PTK2: variants seen among roughly 807,000 people sequenced by gnomAD.
PTK2 encodes the protein focal adhesion kinase 1.
Under a neutral mutation model 150.1 loss-of-function variants are expected in PTK2, and 45 were observed. That is an observed-to-expected ratio of 0.30 (90% confidence interval 0.24 to 0.38). The LOEUF (loss-of-function observed/expected upper bound fraction) is 0.38, where lower values mean the gene tolerates loss of function less well. Among genes scored for constraint, PTK2 ranks in the 10% least tolerant of loss-of-function variants. PTK2 has a pLI of 1.00. For synonymous variants in PTK2, 432 were observed against 449.2 expected (o/e 0.96, Z 0.48); for missense variants, 919 against 1,307.3 (o/e 0.70, Z 4.58).
chr8:140,921,001 A>G, intron 2 of PTK2: 1 of 1,296,256 alleles, frequency 7.7e-7, no homozygotes, highest in East Asian at 3.1e-5. Flanking sequence ...ATCCACAAGC[A>G]AGACTAAGGT....
At chr8:140,696,393 C>G (rs141313305) in intron 26 of PTK2, among the ~76,000 whole-genome samples, 1 of 152,102 alleles carries the variant, frequency 6.6e-6, no homozygotes, top group African/African-American at 2.4e-5. Context: ...GGGGAGAGAA[C>G]GCAGTAGTGC....
chr8:140,842,941 T>C (rs2154603997), intron 7 of PTK2, among the ~76,000 whole-genome samples: 1 of 152,234 alleles, frequency 6.6e-6, no homozygotes, highest in Non-Finnish European at 1.5e-5. Flanking sequence ...TTTACAAACT[T>C]ATGCTGTGTC....
chr8:140,734,738 G>T (rs1388747535), intron 22 of PTK2: 1 of 518,334 alleles, frequency 1.9e-6, no homozygotes, highest in Non-Finnish European at 3.8e-6. Flanking sequence ...TCGGGGCAGG[G>T]TTGATTAGGA....
chr8:140,926,481 G>A (rs2100169511), intron 1 of PTK2, among the ~76,000 whole-genome samples: 1 of 152,106 alleles, frequency 6.6e-6, no homozygotes, highest in Admixed American at 6.5e-5. Context: ...ACAAAGAAAG[G>A]AAGAGAAGAA....
intron 17 of PTK2, among the ~76,000 whole-genome samples, chr8:140,749,216 T>C (rs1401075438): frequency 6.6e-6 from 1 of 152,136 alleles, no homozygotes. Flanking sequence ...ATCCAAAACA[T>C]ATAATTAAAT....
chr8:140,739,217 C>G, intron 20 of PTK2, 110 bp from the exon 24 acceptor site: 1 of 601,382 alleles, frequency 1.7e-6, no homozygotes, highest in Non-Finnish European at 2.6e-6. Flanking sequence ...TATTTGAACC[C>G]TTGAGGCTTC....
At chr8:140,847,855 C>T (rs2100126583) in intron 5 of PTK2, among the ~76,000 whole-genome samples, 1 of 152,040 alleles carries the variant, frequency 6.6e-6, no homozygotes, top group Non-Finnish European at 1.5e-5. Flanking sequence ...TCAAAGAGTC[C>T]CACCCCCAGT....
chr8:140,929,026 C>T (rs1357516689), intron 1 of PTK2, among the ~76,000 whole-genome samples: 7 of 114,406 alleles, frequency 6.1e-5, no homozygotes, highest in African/African-American at 1.4e-4. Context: ...AGTGCAGTGG[C>T]GGGATCTCGG....
At chr8:140,953,621 CT>C (rs1339817830) in intron 1 of PTK2, among the ~76,000 whole-genome samples, 2 of 152,174 alleles carry the variant, frequency 1.3e-5, no homozygotes, top group Non-Finnish European at 2.9e-5. Flanking sequence ...AAATTGTTTA[CT>C]TCTGGAATCT....
intron 5 of PTK2, among the ~76,000 whole-genome samples, chr8:140,862,107 T>C (rs2100136534): frequency 6.6e-6 from 1 of 152,150 alleles, no homozygotes; most frequent in Non-Finnish European, 1.5e-5. Flanking sequence ...AGTAACAGTG[T>C]GAACTAGGAA....
rs146729199 is a variant in PTK2, at chr8:140,668,387, T to C, written c.2747A>G (p.Asn916Ser). The C allele has an allele frequency of 6.5e-5, 105 of 1,613,476 alleles. No individual in the cohort carries two copies. The African/African-American group carries it at 1.2e-3, about 18-fold the overall frequency. ...CACCTTATCATTCGACCGGTCCAGG[T>C]TGGCAGTAGGAGGGGGGCTGATTTC... The change falls in exon 30 of 32, where the codon AAC becomes AGC. Residue 916 changes from asparagine to serine, a missense_variant. Physicochemically the swap from Asn to Ser is conservative, Grantham distance 46. This residue lies in a region of PTK2 where 258 missense variants were observed against 265.4 expected (regional missense o/e 0.97). Coordinates refer to ENST00000522684, the Ensembl canonical transcript of PTK2.
At chr8:140,962,393 C>T (rs1587662021) in intron 1 of PTK2, among the ~76,000 whole-genome samples, 1 of 152,198 alleles carries the variant, frequency 6.6e-6, no homozygotes, top group East Asian at 1.9e-4. Flanking sequence ...TAGTAAAGAG[C>T]TAAAGAAAAC....
At chr8:140,832,389 A>G (rs2100115981) in intron 7 of PTK2, among the ~76,000 whole-genome samples, 1 of 152,186 alleles carries the variant, frequency 6.6e-6, no homozygotes, top group Non-Finnish European at 1.5e-5. Context: ...TGGCTCTGCC[A>G]TAGGACAGAC....
intron 1 of PTK2, among the ~76,000 whole-genome samples, chr8:140,998,480 T>C (rs1254404718): frequency 2.6e-5 from 4 of 152,076 alleles, no homozygotes; most frequent in Admixed American, 2.6e-4. Flanking sequence ...TAATTTCATC[T>C]ACAGGACCTA....
At chr8:140,810,882 C>T (rs2100101119) in intron 10 of PTK2, among the ~76,000 whole-genome samples, 2 of 152,326 alleles carry the variant, frequency 1.3e-5, no homozygotes, top group South Asian at 4.1e-4. Context: ...CACACACAGA[C>T]CTGGGCCTGC....
intron 14 of PTK2, among the ~76,000 whole-genome samples, chr8:140,784,295 T>TG (rs2100083629): frequency 6.6e-6 from 1 of 152,228 alleles, no homozygotes; most frequent in African/African-American, 2.4e-5. Flanking sequence ...TTATCTCTAG[T>TG]GCCACATGTG....
rs750964609 is a variant in PTK2, at chr8:140,846,716, A to G, written c.451-38T>C. Reference sequence around the variant, plus strand: ...GAATGGGAAAAACAACACTGTTTTAAAAGAAAAATATTAGATATATGCATT... The same window carrying G: ...GAATGGGAAAAACAACACTGTTTTAGAAGAAAAATATTAGATATATGCATT... On this transcript the variant is annotated intron_variant, in intron 5 of 31. Coordinates refer to ENST00000522684, the Ensembl canonical transcript of PTK2. 7.6e-6 allele frequency: 11 copies of G among 1,453,722 alleles called. No homozygotes were observed. In the Middle Eastern group the frequency reaches 1.2e-3, roughly 163 times the overall value. 90.1% of individuals were successfully genotyped at this position (1,453,722 alleles called of 1,614,324 possible). A position where few individuals can be genotyped will look rare whatever the true frequency, so the allele number is the denominator to read the frequency against.
chr8:140,981,037 G>T (rs2100191216), intron 1 of PTK2, among the ~76,000 whole-genome samples: 1 of 149,336 alleles, frequency 6.7e-6, no homozygotes, highest in South Asian at 2.1e-4. Context: ...TGGGATTACA[G>T]GCATGAGCCA....
intron 27 of PTK2, among the ~76,000 whole-genome samples, chr8:140,676,100 G>A (rs1428811594): frequency 6.6e-6 from 1 of 152,164 alleles, no homozygotes; most frequent in African/African-American, 2.4e-5. Context: ...CAATTGGCTG[G>A]GCACAGTGGC....
Sources: allele counts gnomAD v4.1 joint callset (sites outside exome capture counted in the v4.1 genomes callset), GRCh38; gene constraint gnomAD v4.1.1; regional missense constraint gnomAD v4.1.1; transcripts MANE v1.5; gene names NCBI Gene and HGNC (gene_info 2026-07-23, HGNC 2026-07-21).